The following RBP3 variants were observed in gnomAD, a reference collection of about 807,000 sequenced individuals.
RBP3 encodes retinol-binding protein 3.
RBP3 carries 50 observed loss-of-function variants against 64.8 expected under a neutral mutation model. That is an observed-to-expected ratio of 0.77 (90% CI 0.61 to 0.98). The LOEUF (loss-of-function observed/expected upper bound fraction) is 0.98. Among genes scored for constraint, RBP3 ranks in the 50% least tolerant of loss-of-function variants. RBP3 has a pLI of 0.00. For synonymous variants in RBP3, 828 were observed against 730.2 expected, an observed-to-expected ratio of 1.13 and a Z score of -2.16; for missense variants, 1,712 against 1,660.5, an observed-to-expected ratio of 1.03 and a Z score of -0.54.
Position 47,350,697 on chromosome 10 carries a change from T to C in RBP3, c.2213T>C (p.Val738Ala). ...YLIEALFKTE[V>A]LPGQLGYLRF... The stretch of plus-strand genomic sequence containing the variant: ...ATTGAGGCCCTGTTCAAGACAGAGG[T>C]GCTGCCCGGCCAGCTGGGCTACCTG... Residue 738 changes from valine to alanine, a missense_variant, in exon 1 of 4, where the codon GTG (valine) becomes GCG (alanine). Val to Ala is a moderately conservative substitution (Grantham distance 64). Transcript: ENST00000584701. 6.2e-7 allele frequency: 1 copy of C among 1,612,178 alleles called. No homozygotes were observed. The highest frequency in any genetic ancestry group is 1.1e-5 in the South Asian group (1 of 91,048).
At chr10:47,355,342 A>G in intron 2 of RBP3, 34 bp from the exon 3 acceptor site, 1 of 1,612,618 alleles carries the variant, frequency 6.2e-7, no homozygotes, top group Non-Finnish European at 8.5e-7. Flanking sequence ...CTGTGAGCTC[A>G]GCCCCTGAAC....
In RBP3 at chr10:47,349,970, T is replaced by C. The variant is rs1555211222; in HGVS notation, c.1486T>C (p.Phe496Leu). 5 of 1,612,736 alleles carry C rather than the reference T, an allele frequency of 3.1e-6. No homozygotes were observed. Among genetic ancestry groups the C allele is most frequent in the Non-Finnish European group, 4.2e-6 (5 of 1,179,642 alleles). Reference protein sequence around the residue: ...SSAVPLLLSYFQGPEAGPVHL... With the variant: ...SSAVPLLLSYLQGPEAGPVHL... ...TGCTGTGCCCCTGCTCCTGTCCTAC[T>C]TCCAGGGCCCTGAGGCCGGCCCCGT... is the stretch of plus-strand genomic sequence containing the variant. The change falls in exon 1 of 4, where the codon TTC (phenylalanine) becomes CTC (leucine). Residue 496 changes from phenylalanine to leucine, a missense_variant. Physicochemically the swap from Phe to Leu is conservative, Grantham distance 22 (BLOSUM62 0). Transcript: ENST00000584701.
At chr10:47,352,914 G>A (rs1183938456) in intron 1 of RBP3, among the ~76,000 whole-genome samples, 1 of 152,208 alleles carries the variant, frequency 6.6e-6, no homozygotes, top group Non-Finnish European at 1.5e-5. Flanking sequence ...AGGTGGCTGT[G>A]AGGATGATGA....
At chr10:47,355,142 GA>G (rs1837028175) in intron 2 of RBP3, among the ~76,000 whole-genome samples, 1 of 152,188 alleles carries the variant, frequency 6.6e-6, no homozygotes, top group Non-Finnish European at 1.5e-5. Context: ...TTACATAGCA[GA>G]AGGAAAGGAT....
At position 47,348,518 on chromosome 10, in the gene RBP3, C is replaced by T. The variant is rs1555210848; in HGVS notation, c.34C>T (p.Leu12=). The T allele has an allele frequency of 1.2e-6, 2 of 1,608,712 alleles. No homozygotes were observed. The highest frequency in any genetic ancestry group is 1.7e-6 in the Non-Finnish European group (2 of 1,179,996). Residue 12 remains leucine, a synonymous_variant, in exon 1 of 4, where the codon CTG becomes TTG. Coordinates refer to ENST00000584701, the MANE Select transcript of RBP3 (RefSeq NM_002900.3). Reference sequence around the variant, plus strand: ...AGAATGGGTTCTGCTCATGTCCGTGCTGCTCTGTGGCCTGGCTGGCCCCAC... The same window carrying T: ...AGAATGGGTTCTGCTCATGTCCGTGTTGCTCTGTGGCCTGGCTGGCCCCAC... ...MREWVLLMSV[L]LCGLAGPTHL... is the part of the protein sequence containing the mutation.
rs782731785 is a variant in RBP3 at position 47,349,630 on chromosome 10, T to G, written c.1146T>G (p.Asp382Glu). The part of the protein sequence containing the change: ...LNAGLQAASE[D>E]PRLLVRAIGP... The stretch of plus-strand genomic sequence containing the variant: ...CCGGCCTGCAGGCTGCGTCTGAGGA[T>G]CCCAGGCTCCTGGTGCGAGCCATCG... The change falls in exon 1 of 4, where the codon GAT (aspartate) becomes GAG (glutamate). Residue 382 changes from aspartate to glutamate, a missense_variant. Coordinates refer to ENST00000584701, the MANE Select transcript of RBP3 (RefSeq NM_002900.3). 1.2e-6 allele frequency: 2 copies of G among 1,612,576 alleles called. No individual in the cohort carries two copies. Among genetic ancestry groups the G allele is most frequent in the Admixed American group, 3.3e-5 (2 of 60,012 alleles).
At chr10:47,352,488 A>G (rs184903267) in intron 1 of RBP3, among the ~76,000 whole-genome samples, 150 of 152,312 alleles carry the variant, frequency 9.8e-4, no homozygotes, top group African/African-American at 3.4e-3. Context: ...AGCATCTACT[A>G]CAGAATTGTT....
In RBP3 at chr10:47,351,300, C is replaced by A. The variant is rs201711001; in HGVS notation, c.2816C>A (p.Thr939Lys). The A allele has an allele frequency of 6.2e-7, 1 of 1,613,480 alleles. No individual in the cohort carries two copies. Residue 939 changes from threonine to lysine, a missense_variant, in exon 1 of 4, where the codon ACG (threonine) becomes AAG (lysine). By Grantham distance (78) the Thr-to-Lys change is moderately conservative (BLOSUM62 -1). Coordinates refer to ENST00000584701, the MANE Select transcript of RBP3 (RefSeq NM_002900.3). ...GTGGCTCTGCGTGCCAAGGTGCCCA[C>A]GGTGCTGCAGACGGCCGGGAAGCTG... ...DIVALRAKVP[T>K]VLQTAGKLVA... is the part of the protein sequence containing the mutation.
At chr10:47,355,602 A>C in intron 3 of RBP3, 84 bp downstream of exon 3, 3 of 1,571,514 alleles carry the variant, frequency 1.9e-6, no homozygotes, top group South Asian at 1.1e-5. Flanking sequence ...TGTAGGTAAA[A>C]GTCATAGTAA....
At position 47,348,455 on chromosome 10, in the gene RBP3, T is replaced by C. The variant is rs1555210840; in HGVS notation, c.-30T>C. ...TTGCACACAGTCCAGGGAGCTTTTGTGCAGGAGCCAGGCCTCCCCCTGGGT... is the reference window on the plus strand; with the variant it reads ...TTGCACACAGTCCAGGGAGCTTTTGCGCAGGAGCCAGGCCTCCCCCTGGGT... On this transcript the variant is annotated 5_prime_UTR_variant, in exon 1 of 4. Coordinates refer to ENST00000584701, the MANE Select transcript of RBP3 (RefSeq NM_002900.3). 1.3e-6 allele frequency: 2 copies of C among 1,597,480 alleles called. No homozygotes were observed. The highest frequency in any genetic ancestry group is 1.7e-6 in the Non-Finnish European group (2 of 1,179,270).
chr10:47,351,225 C>T lies in RBP3; in HGVS notation c.2741C>T (p.Pro914Leu), dbSNP rs782417123. 32 of 1,613,214 alleles carry T rather than the reference C, an allele frequency of 2.0e-5. No homozygotes were observed. Among genetic ancestry groups the T allele is most frequent in the Non-Finnish European group, 2.4e-5 (28 of 1,180,048 alleles). ...GKAWDLAGVE[P>L]DITVPMSEAL... ...GCCTGGGACCTGGCTGGTGTGGAGC[C>T]CGACATCACTGTGCCCATGAGCGAA... Residue 914 changes from proline to leucine, a missense_variant, in exon 1 of 4, where the codon CCC (proline) becomes CTC (leucine). Coordinates refer to ENST00000584701, the MANE Select transcript of RBP3 (RefSeq NM_002900.3).
At chr10:47,351,629 C>A in intron 1 of RBP3, 91 bp downstream of exon 1, 1 of 1,479,198 alleles carries the variant, frequency 6.8e-7, no homozygotes, top group Non-Finnish European at 9.4e-7. Flanking sequence ...CAGTGCGTGA[C>A]AATGGCTTTT....
At position 47,351,113 on chromosome 10, in the gene RBP3, C is replaced by A; in HGVS notation, c.2629C>A (p.Leu877Ile). Residue 877 changes from leucine (L) to isoleucine (I), a missense_variant, in exon 1 of 4, where the codon CTC (leucine) becomes ATC (isoleucine). Coordinates refer to ENST00000584701, the MANE Select transcript of RBP3 (RefSeq NM_002900.3). ...TGGGGAGCCCACGGCCGGAGGCGCACTCTCTGTGGGCATCTACCAGGTGGG... is the reference window on the plus strand; with the variant it reads ...TGGGGAGCCCACGGCCGGAGGCGCAATCTCTGTGGGCATCTACCAGGTGGG... ...VIGEPTAGGALSVGIYQVGSS... is the reference protein window; with the variant it reads ...VIGEPTAGGAISVGIYQVGSS... The A allele has an allele frequency of 6.2e-7, 1 of 1,612,892 alleles. No homozygotes were observed. The highest frequency in any genetic ancestry group is 1.3e-5 in the African/African-American group (1 of 75,086).
Position 47,352,176 on chromosome 10 carries a change from G to C in RBP3, c.3054+638G>C, listed in dbSNP as rs189703001. On this transcript the variant is annotated intron_variant, in intron 1 of 3. Transcript: ENST00000584701. ...GGGAGGCGGTTACTGAAGCAGGCATGAAGGAGGGAGCAGGGAGAGTGGGTT... is the reference window on the plus strand; with the variant it reads ...GGGAGGCGGTTACTGAAGCAGGCATCAAGGAGGGAGCAGGGAGAGTGGGTT... Among the ~76,000 whole-genome samples, 626 of 152,348 alleles carry C rather than the reference G, an allele frequency of 4.1e-3. 3 individuals carry two copies. The highest frequency in any genetic ancestry group is 0.015 in the African/African-American group (608 of 41,588).
Position 47,357,165 on chromosome 10 carries a change from CGGA to C in RBP3, c.3457_3459del (p.Glu1153del), listed in dbSNP as rs782030177. The C allele has an allele frequency of 1.9e-6, 3 of 1,613,580 alleles. No homozygotes were observed. The highest frequency in any genetic ancestry group is 1.7e-6 in the Non-Finnish European group (2 of 1,179,972). On this transcript the variant is annotated inframe_deletion, in exon 4 of 4. Transcript: ENST00000584701. The stretch of plus-strand genomic sequence containing the variant: ...ACCAGCAGTGTGACGGCCGGCACCG[CGGA>C]GGAGTTCACCTATATCATGAAGAGG...
rs781994065 is a variant in RBP3 at position 47,350,963 on chromosome 10, C to T, written c.2479C>T (p.Pro827Ser). Residue 827 changes from proline to serine, a missense_variant, in exon 1 of 4, where the codon CCC becomes TCC. Physicochemically the swap from Pro to Ser is moderately conservative, Grantham distance 74 (BLOSUM62 -1). Transcript: ENST00000584701. ...AAAAGTCACGGAGGTGTGGACCTTG[C>T]CCCAGGTCGCCGGCCAGCGCTACGG... ...TSKVTEVWTL[P>S]QVAGQRYGSH... The T allele has an allele frequency of 6.2e-7, 1 of 1,612,548 alleles. No homozygotes were observed. The highest frequency in any genetic ancestry group is 8.5e-7 in the Non-Finnish European group (1 of 1,179,990).
Position 47,348,449 on chromosome 10 carries a change from C to T in RBP3, c.-36C>T, listed in dbSNP as rs781878682. ...ACGGCCTTGCACACAGTCCAGGGAG[C>T]TTTTGTGCAGGAGCCAGGCCTCCCC... On this transcript the variant is annotated 5_prime_UTR_variant, in exon 1 of 4. Coordinates refer to ENST00000584701, the MANE Select transcript of RBP3 (RefSeq NM_002900.3). 5 of 1,595,792 alleles carry T rather than the reference C, an allele frequency of 3.1e-6. No individual in the cohort carries two copies. The Admixed American group carries it at 6.7e-5, about 21-fold the overall frequency.
At position 47,351,558 on chromosome 10, in the gene RBP3, T is replaced by G; in HGVS notation, c.3054+20T>G. 2 of 1,613,408 alleles carry G rather than the reference T, an allele frequency of 1.2e-6. No homozygotes were observed. Among genetic ancestry groups the G allele is most frequent in the Non-Finnish European group, 1.7e-6 (2 of 1,180,028 alleles). On this transcript the variant is annotated intron_variant, in intron 1 of 3. Coordinates refer to ENST00000584701, the MANE Select transcript of RBP3 (RefSeq NM_002900.3). ...ATGCAGGTGAGACCCAAGAGAGACC[T>G]GGCTGAACCCAGTCCCGGGAGTGAG...
Position 47,350,342 on chromosome 10 carries a change from G to A in RBP3, c.1858G>A (p.Glu620Lys), listed in dbSNP as rs781789431. Residue 620 changes from glutamate (E) to lysine (K), a missense_variant, in exon 1 of 4, where the codon GAG becomes AAG. Coordinates refer to ENST00000584701, the MANE Select transcript of RBP3 (RefSeq NM_002900.3). ...GGTGCCCGATGCCATCGTGCTGGCC[G>A]AGGAGGCCCTGGACAAAGCCCAGGA... ...GVVPDAIVLA[E>K]EALDKAQEVL... 3.7e-6 allele frequency: 6 copies of A among 1,611,894 alleles called. No individual in the cohort carries two copies. The highest frequency in any genetic ancestry group is 4.5e-5 in the East Asian group (2 of 44,890).
Sources: allele counts gnomAD v4.1 joint callset (sites outside exome capture counted in the v4.1 genomes callset), GRCh38; gene constraint gnomAD v4.1.1; transcripts MANE v1.5; gene names NCBI Gene and HGNC (gene_info 2026-07-23, HGNC 2026-07-21).